The following EEPD1 variants were observed in gnomAD, a reference collection of about 807,000 sequenced individuals.
EEPD1 encodes the protein endonuclease/exonuclease/phosphatase family domain-containing protein 1.
Under a neutral mutation model 46.3 loss-of-function variants are expected in EEPD1, and 17 were observed. That is an observed-to-expected ratio of 0.37 (90% CI 0.25 to 0.55). The LOEUF is 0.55. EEPD1 is among the 20% of genes least tolerant of loss of function. EEPD1 has a pLI of 0.83. For missense variants in EEPD1, 673 were observed against 745.6 expected, an observed-to-expected ratio of 0.90 and a Z score of 1.13; for synonymous variants, 313 against 315.6, an observed-to-expected ratio of 0.99 and a Z score of 0.09.
chr7:36,285,450 A>G (rs124364), intron 5 of EEPD1, among the ~76,000 whole-genome samples: 146,853 of 152,214 alleles, frequency 0.96, 70,920 homozygotes, highest in Non-Finnish European at 0.99. Context: ...CCATGTGGGA[A>G]TCTCTGTCCC....
intron 2 of EEPD1, among the ~76,000 whole-genome samples, chr7:36,218,661 T>C: frequency 6.6e-6 from 1 of 152,160 alleles, no homozygotes; most frequent in Non-Finnish European, 1.5e-5. Flanking sequence ...CATTTAATAT[T>C]TTTGGACTGT....
chr7:36,205,479 T>C (rs1181319505), intron 2 of EEPD1, among the ~76,000 whole-genome samples: 2 of 152,130 alleles, frequency 1.3e-5, no homozygotes, highest in African/African-American at 4.8e-5. Context: ...ACATTTTAGG[T>C]GGGAGAGAAG....
In EEPD1 at chr7:36,300,887, G is replaced by A. The variant is rs1787611919; in HGVS notation, c.*1681G>A. 1 of 152,374 alleles carries A rather than the reference G, an allele frequency of 6.6e-6. No individual in the cohort carries two copies. The allele number at this position is 152,374 out of a possible 1,614,324, so 9.4% of individuals were successfully genotyped here. A position where few individuals can be genotyped will look rare whatever the true frequency, so the allele number is the denominator to read the frequency against. On this transcript the variant is annotated 3_prime_UTR_variant, in exon 8 of 8. Coordinates refer to ENST00000242108, the MANE Select transcript of EEPD1 (RefSeq NM_030636.3). Reference sequence around the variant, plus strand: ...CTGGGTTCAGGCTGTGCTTCTGGAAGCATCGAAATGGGATGTCTGAGCCTT... The same window carrying A: ...CTGGGTTCAGGCTGTGCTTCTGGAAACATCGAAATGGGATGTCTGAGCCTT...
chr7:36,172,100 G>T (rs1165546593), intron 2 of EEPD1, among the ~76,000 whole-genome samples: 1 of 152,106 alleles, frequency 6.6e-6, no homozygotes, highest in Non-Finnish European at 1.5e-5. Context: ...GGGCTCTTCT[G>T]TCTTACTGTG....
chr7:36,214,591 A>G (rs774434834), intron 2 of EEPD1, among the ~76,000 whole-genome samples: 2 of 152,118 alleles, frequency 1.3e-5, no homozygotes, highest in African/African-American at 4.8e-5. Context: ...TGGAAATGCA[A>G]ATTCTCAGGC....
chr7:36,184,793 C>T (rs1013833437), intron 2 of EEPD1, among the ~76,000 whole-genome samples: 4 of 152,110 alleles, frequency 2.6e-5, no homozygotes, highest in Non-Finnish European at 5.9e-5. Context: ...TGCAGTGGTG[C>T]GATCTCAGCT....
At chr7:36,161,118 G>A (rs2726049) in intron 2 of EEPD1, among the ~76,000 whole-genome samples, 69,937 of 151,970 alleles carry the variant, frequency 0.46, 16,550 homozygotes, top group Middle Eastern at 0.54. Flanking sequence ...AATGACAAAT[G>A]GACCCAGGGC....
chr7:36,169,086 A>G (rs1042056071), intron 2 of EEPD1, among the ~76,000 whole-genome samples: 1 of 152,210 alleles, frequency 6.6e-6, no homozygotes, highest in African/African-American at 2.4e-5. Context: ...TCCACTATAT[A>G]GATGTACCAC....
At chr7:36,269,205 C>A (rs1468781482) in intron 3 of EEPD1, among the ~76,000 whole-genome samples, 2 of 152,132 alleles carry the variant, frequency 1.3e-5, no homozygotes, top group Non-Finnish European at 2.9e-5. Context: ...AAGGTCCTAA[C>A]AAATACAGGT....
intron 3 of EEPD1, among the ~76,000 whole-genome samples, chr7:36,262,377 TCAGA>T (rs1231209547): frequency 6.6e-6 from 1 of 152,140 alleles, no homozygotes; most frequent in Non-Finnish European, 1.5e-5. Context: ...CTGAGGGTCA[TCAGA>T]CAGAATGAGA....
chr7:36,170,534 C>T (rs1785059823), intron 2 of EEPD1, among the ~76,000 whole-genome samples: 1 of 150,808 alleles, frequency 6.6e-6, no homozygotes, highest in Admixed American at 6.6e-5. Context: ...ATTGCAGGGA[C>T]CTGCTTCTCT....
intron 2 of EEPD1, 119 bp from the exon 3 acceptor site, chr7:36,238,866 C>A: frequency 1.2e-6 from 1 of 857,540 alleles, no homozygotes. Context: ...CTTAAGATGG[C>A]AGGTGACATA....
At position 36,154,281 on chromosome 7, in the gene EEPD1, T is replaced by C. The variant is rs1784776786; in HGVS notation, c.-44T>C. 1.3e-6 allele frequency: 2 copies of C among 1,570,476 alleles called. No individual in the cohort carries two copies. Among genetic ancestry groups the C allele is most frequent in the Admixed American group, 1.8e-5 (1 of 56,502 alleles). On this transcript the variant is annotated 5_prime_UTR_variant, in exon 2 of 8. Coordinates refer to ENST00000242108, the MANE Select transcript of EEPD1 (RefSeq NM_030636.3). The surrounding 1 kb of genome is among the most constrained non-coding windows in gnomAD (Gnocchi z 4.2). Reference sequence around the variant, plus strand: ...GCTTCCTCCCTAGCCAGAGAGCTCTTCTGCAGTGGTGCGGCCTTCCCGGGA... The same window carrying C: ...GCTTCCTCCCTAGCCAGAGAGCTCTCCTGCAGTGGTGCGGCCTTCCCGGGA...
At chr7:36,229,115 A>G (rs573116280) in intron 2 of EEPD1, among the ~76,000 whole-genome samples, 17 of 152,330 alleles carry the variant, frequency 1.1e-4, no homozygotes, top group African/African-American at 3.8e-4. Context: ...TCTGGGAGAC[A>G]GTGTGGGCTG....
intron 3 of EEPD1, among the ~76,000 whole-genome samples, chr7:36,266,571 G>A (rs1275054756): frequency 6.6e-6 from 1 of 152,174 alleles, no homozygotes; most frequent in Admixed American, 6.5e-5. Context: ...AATTATTGAT[G>A]TATAATTCAC....
At position 36,153,683 on chromosome 7, in the gene EEPD1, CG is replaced by C; in HGVS notation, c.-193+13del. On this transcript the variant is annotated intron_variant, in intron 1 of 7. Transcript: ENST00000242108. ...CGCAGAGCGGCCGAGAGGTGGGGCG[CG>C]GGGACCCGCGGCAGGTCGGGTGGGG... 1 of 152,658 alleles carries C rather than the reference CG, an allele frequency of 6.6e-6. No individual in the cohort carries two copies. The highest frequency in any genetic ancestry group is 1.5e-5 in the Non-Finnish European group (1 of 68,350). The allele number at this position is 152,658 out of a possible 1,614,324, so 9.5% of individuals were successfully genotyped here. A position where few individuals can be genotyped will look rare whatever the true frequency, so the allele number is the denominator to read the frequency against.
At chr7:36,201,353 A>G (rs1005110218) in intron 2 of EEPD1, among the ~76,000 whole-genome samples, 5 of 152,188 alleles carry the variant, frequency 3.3e-5, no homozygotes, top group African/African-American at 1.2e-4. Context: ...ATAATGTACT[A>G]TGTTTTGTAG....
intron 2 of EEPD1, among the ~76,000 whole-genome samples, chr7:36,207,690 GTT>G (rs1253399155): frequency 6.6e-6 from 1 of 152,132 alleles, no homozygotes; most frequent in East Asian, 1.9e-4. Flanking sequence ...ACCATTTTTG[GTT>G]TTGAAATCTG....
chr7:36,161,686 G>A (rs541175375), intron 2 of EEPD1, among the ~76,000 whole-genome samples: 1 of 152,106 alleles, frequency 6.6e-6, no homozygotes, highest in Non-Finnish European at 1.5e-5. Context: ...AAGCAGGAAG[G>A]TGTGTGTCAT....
Sources: gnomAD v4.1 joint callset for allele counts (sites outside exome capture counted in the v4.1 genomes callset) on GRCh38, gnomAD v4.1.1 for gene constraint, Gnocchi (gnomAD v3.1) non-coding constraint, MANE v1.5 for transcripts, NCBI Gene and HGNC (gene_info 2026-07-23, HGNC 2026-07-21) for gene names.